The following TMEM192 variants were observed in gnomAD, a reference collection of about 807,000 sequenced individuals.
TMEM192 encodes the protein transmembrane protein 192.
TMEM192 carries 20 observed loss-of-function variants against 26.7 expected under a neutral mutation model. That is an observed-to-expected ratio of 0.75 (90% CI 0.53 to 1.09). The LOEUF is 1.09. TMEM192 is among the 50% of genes least tolerant of loss of function. TMEM192 has a pLI of 0.00. For missense variants in TMEM192, 304 were observed against 322.6 expected, an observed-to-expected ratio of 0.94 and a Z score of 0.44; for synonymous variants, 124 against 121.0, an observed-to-expected ratio of 1.02 and a Z score of -0.16.
intron 2 of TMEM192, among the ~76,000 whole-genome samples, chr4:165,102,030 G>A (rs1735049733): frequency 6.6e-6 from 1 of 152,182 alleles, no homozygotes; most frequent in Non-Finnish European, 1.5e-5. Context: ...AACCCCTAGT[G>A]CTTCCAACTG....
At chr4:165,095,634 C>T (rs1734875212) in intron 3 of TMEM192, among the ~76,000 whole-genome samples, 1 of 152,148 alleles carries the variant, frequency 6.6e-6, no homozygotes, top group Non-Finnish European at 1.5e-5. Flanking sequence ...TCTGGCTTTA[C>T]ACTTTTAGGC....
At chr4:165,096,557 A>G (rs1473776903) in intron 3 of TMEM192, among the ~76,000 whole-genome samples, 11 of 151,862 alleles carry the variant, frequency 7.2e-5, no homozygotes. Context: ...ATAACAAAAT[A>G]TATCAGGCTG....
intron 4 of TMEM192, among the ~76,000 whole-genome samples, chr4:165,086,380 C>T (rs142867643): frequency 1.3e-5 from 2 of 149,984 alleles, no homozygotes; most frequent in Admixed American, 1.3e-4. Context: ...GCAGAGAATG[C>T]ATCAGGAGTG....
chr4:165,079,950 TA>T (rs1734484366), intron 5 of TMEM192, among the ~76,000 whole-genome samples, 154 bp from the exon 6 acceptor site: 1 of 152,204 alleles, frequency 6.6e-6, no homozygotes, highest in Non-Finnish European at 1.5e-5. Flanking sequence ...CAAATAAGAT[TA>T]TTTTCATAAA....
At chr4:165,104,452 G>A (rs1232155751) in intron 1 of TMEM192, among the ~76,000 whole-genome samples, 1 of 152,202 alleles carries the variant, frequency 6.6e-6, no homozygotes, top group Non-Finnish European at 1.5e-5. Context: ...AATCTAGGGT[G>A]TAACCTAGCT....
chr4:165,100,896 G>T lies in TMEM192; in HGVS notation c.175-4C>A, dbSNP rs745927809. The T allele has an allele frequency of 6.2e-7, 1 of 1,606,582 alleles. No homozygotes were observed. Among genetic ancestry groups the T allele is most frequent in the East Asian group, 2.2e-5 (1 of 44,722 alleles). On this transcript the variant is annotated splice_polypyrimidine_tract_variant and splice_region_variant and intron_variant, in intron 2 of 5. Transcript: ENST00000306480. ...ATGCTAAAACAACAAACACGAGCTG[G>T]GGGAAAGGAGAGCAGAAAGATTAAT...
chr4:165,111,268 A>C (rs936833022), intron 1 of TMEM192, among the ~76,000 whole-genome samples: 1 of 151,876 alleles, frequency 6.6e-6, no homozygotes, highest in African/African-American at 2.4e-5. Flanking sequence ...TAATTTTTGT[A>C]TTTTTAGTGG....
chr4:165,102,849 T>G, intron 2 of TMEM192, 101 bp downstream of exon 2: 1 of 1,084,874 alleles, frequency 9.2e-7, no homozygotes, highest in Non-Finnish European at 1.2e-6. Flanking sequence ...GTGCCCTACA[T>G]TTTAAATGTT....
At chr4:165,111,596 C>T (rs1166486623) in intron 1 of TMEM192, 2 of 152,190 alleles carry the variant, frequency 1.3e-5, no homozygotes, top group African/African-American at 4.8e-5. Context: ...GCCTTAAAAA[C>T]TCAGAAACAA....
intron 3 of TMEM192, among the ~76,000 whole-genome samples, chr4:165,098,345 G>A (rs56181000): frequency 0.15 from 23,464 of 151,770 alleles, 2,273 homozygotes; most frequent in South Asian, 0.27. Flanking sequence ...GGCTGGTCTC[G>A]AACTCCTGAC....
chr4:165,099,584 A>T (rs1057449144), intron 3 of TMEM192, among the ~76,000 whole-genome samples: 1 of 152,128 alleles, frequency 6.6e-6, no homozygotes, highest in Non-Finnish European at 1.5e-5. Context: ...CTCACTGCCT[A>T]ACAGTCCTCT....
At chr4:165,090,588 C>T (rs906772369) in intron 3 of TMEM192, among the ~76,000 whole-genome samples, 1 of 152,010 alleles carries the variant, frequency 6.6e-6, no homozygotes, top group Non-Finnish European at 1.5e-5. Flanking sequence ...GTTTTGTGAA[C>T]CATTCTAGCA....
chr4:165,086,093 T>TA (rs1734610107), intron 4 of TMEM192, among the ~76,000 whole-genome samples: 1 of 152,088 alleles, frequency 6.6e-6, no homozygotes, highest in East Asian at 1.9e-4. Context: ...TCTAAGACAG[T>TA]ATGGAAAGTA....
chr4:165,091,254 C>T (rs983476154), intron 3 of TMEM192, among the ~76,000 whole-genome samples: 2 of 151,702 alleles, frequency 1.3e-5, no homozygotes, highest in Non-Finnish European at 2.9e-5. Context: ...GGTGACAGAG[C>T]GAGACTCCAT....
chr4:165,097,252 T>C (rs915205508), intron 3 of TMEM192, among the ~76,000 whole-genome samples: 6 of 152,052 alleles, frequency 3.9e-5, no homozygotes, highest in African/African-American at 1.4e-4. Context: ...CCCAGCACTT[T>C]GGGAGGCCGA....
chr4:165,099,094 TTTTC>T (rs1190837248), intron 3 of TMEM192, among the ~76,000 whole-genome samples: 1 of 143,796 alleles, frequency 7.0e-6, no homozygotes. Flanking sequence ...CTACAACTTT[TTTTC>T]TTTCTTTTTT....
rs766556006 is a variant in TMEM192, at chr4:165,112,746, C to T, written c.27+1G>A. The T allele has an allele frequency of 1.4e-5, 22 of 1,608,978 alleles. No homozygotes were observed. The highest frequency in any genetic ancestry group is 3.3e-5 in the Admixed American group (2 of 59,950). ...ACCGCCCGCCGCCTCCGTGCACTCA[C>T]GTCCTCCATCCTGCCCCCCGCCGCC... On this transcript the variant is annotated splice_donor_variant, in intron 1 of 5. Coordinates refer to ENST00000306480, the MANE Select transcript of TMEM192 (RefSeq NM_001100389.2). LOFTEE classifies it high-confidence loss of function.
At chr4:165,108,150 T>G (rs1735212806) in intron 1 of TMEM192, among the ~76,000 whole-genome samples, 1 of 141,938 alleles carries the variant, frequency 7.0e-6, no homozygotes, top group Non-Finnish European at 1.5e-5. Flanking sequence ...GGAGATGTAG[T>G]CTTGCTCTGT....
At chr4:165,084,062 TGCCCACCTCA>T (rs776068828) in intron 5 of TMEM192, among the ~76,000 whole-genome samples, 1 of 152,042 alleles carries the variant, frequency 6.6e-6, no homozygotes, top group Non-Finnish European at 1.5e-5. Context: ...CCTCGTGATC[TGCCCACCTCA>T]GCCTCTTAAA....
Sources: allele counts gnomAD v4.1 joint callset (sites outside exome capture counted in the v4.1 genomes callset), GRCh38; gene constraint gnomAD v4.1.1; transcripts MANE v1.5; gene names NCBI Gene and HGNC (gene_info 2026-07-23, HGNC 2026-07-21).